MIAT: variants seen among roughly 807,000 people sequenced by gnomAD.
The protein encoded by MIAT is MI related novel mRNA.
At chr22:26,675,356 G>C (rs1931222786) in exon 5 of MIAT, 1 of 398,574 alleles carries the variant, frequency 2.5e-6, no homozygotes, top group South Asian at 1.3e-4. Context: ...TGGTTGCCAA[G>C]AAGTTTAGAT....
chr22:26,654,992 G>A (rs1001632081), intron 2 of MIAT, among the ~76,000 whole-genome samples: 9 of 152,170 alleles, frequency 5.9e-5, no homozygotes, highest in Admixed American at 1.3e-4. Context: ...GATTACAGGC[G>A]TGAGCTGCTG....
chr22:26,672,825 A>G (rs896542750), downstream of MIAT: 21 of 398,518 alleles, frequency 5.3e-5, no homozygotes, highest in Non-Finnish European at 8.8e-5. Context: ...TGGAGTATTT[A>G]GTACACAGGA....
At chr22:26,675,711 G>A (rs1036823080) in exon 5 of MIAT, 11 of 398,518 alleles carry the variant, frequency 2.8e-5, no homozygotes, top group Non-Finnish European at 4.9e-5. Context: ...AGAAGATCAG[G>A]GGAAACACAG....
chr22:26,658,899 T>G lies in MIAT; in HGVS notation n.647-4417T>G, dbSNP rs138251526. On this transcript the variant is annotated intron_variant and non_coding_transcript_variant, in intron 2 of 5. Transcript: ENST00000643270. ...AGCAAAACACTTGCTCTGGACTCAG[T>G]GCTTTGCAAAGCGCATTCCCATTTG... Among the ~76,000 whole-genome samples the G allele has an allele frequency of 1.3e-4, 20 of 152,332 alleles. No individual in the cohort carries two copies. The East Asian group carries it at 3.9e-3, about 29-fold the overall frequency.
At chr22:26,659,452 G>A (rs9613239) in intron 2 of MIAT, among the ~76,000 whole-genome samples, 25,938 of 152,096 alleles carry the variant, frequency 0.17, 2,829 homozygotes, top group Non-Finnish European at 0.23. Context: ...TCCTTAACAG[G>A]GAAGAGTGGT....
intron 2 of MIAT, chr22:26,657,321 C>T (rs1930495410): frequency 2.5e-6 from 1 of 395,496 alleles, no homozygotes; most frequent in Non-Finnish European, 4.5e-6. Flanking sequence ...AGACCGGTTG[C>T]ACCCCGCTTT....
intron 2 of MIAT, among the ~76,000 whole-genome samples, chr22:26,651,877 T>G (rs1930342338): frequency 6.6e-6 from 1 of 152,146 alleles, no homozygotes; most frequent in South Asian, 2.1e-4. Context: ...GTGATGAAAA[T>G]GTCTTGGAAC....
At chr22:26,655,970 G>A (rs1315710724) in intron 2 of MIAT, 3 of 152,094 alleles carry the variant, frequency 2.0e-5, no homozygotes, top group African/African-American at 4.8e-5. Flanking sequence ...AGGCAGGCGT[G>A]AGCCACCACA....
At chr22:26,676,134 T>C in exon 5 of MIAT, 1 of 395,492 alleles carries the variant, frequency 2.5e-6, no homozygotes, top group East Asian at 3.6e-5. Flanking sequence ...TAGGTTGTGC[T>C]GTGGACCCAA....
At chr22:26,646,824 G>C (rs996803181) in exon 1 of MIAT, 5 of 398,524 alleles carry the variant, frequency 1.3e-5, no homozygotes, top group African/African-American at 1.0e-4. Context: ...AATGAGGGTG[G>C]TGTGGGAGTC....
chr22:26,658,726 G>C (rs888845239), intron 2 of MIAT, among the ~76,000 whole-genome samples: 2 of 152,200 alleles, frequency 1.3e-5, no homozygotes, highest in South Asian at 4.1e-4. Context: ...TTGTTGGCGC[G>C]CACACCCCAC....
At chr22:26,663,369 G>A (rs1930736625) in exon 3 of MIAT, 3 of 398,516 alleles carry the variant, frequency 7.5e-6, no homozygotes, top group Non-Finnish European at 8.8e-6. Flanking sequence ...TGGCCACCAT[G>A]ACCCCGTCGG....
downstream of MIAT, chr22:26,671,832 A>C (rs937837002): frequency 3.1e-6 from 1 of 327,656 alleles, no homozygotes; most frequent in Non-Finnish European, 5.5e-6. Context: ...CAGACACCTA[A>C]AAAAAAAAAA....
At chr22:26,669,759 A>C, downstream of MIAT, 1 of 398,994 alleles carries the variant, frequency 2.5e-6, no homozygotes, top group Non-Finnish European at 4.4e-6. Flanking sequence ...GGAGAGTGGC[A>C]GGTACCATGC....
intron 2 of MIAT, among the ~76,000 whole-genome samples, chr22:26,656,544 T>C (rs5752375): frequency 0.85 from 128,591 of 151,572 alleles, 54,660 homozygotes; most frequent in South Asian, 0.92. Flanking sequence ...TCTTGAACTC[T>C]TGACCTCAGG....
At chr22:26,649,825 A>C (rs1930306573) in intron 2 of MIAT, among the ~76,000 whole-genome samples, 1 of 152,214 alleles carries the variant, frequency 6.6e-6, no homozygotes. Context: ...AGGCAGCAGA[A>C]TTGCTTGAAC....
chr22:26,673,804 G>A (rs1047401898), downstream of MIAT: 2 of 398,668 alleles, frequency 5.0e-6, no homozygotes, highest in Non-Finnish European at 8.8e-6. Flanking sequence ...GGAGGTGCCA[G>A]GGCTCTGGTG....
At chr22:26,653,799 G>C (rs909316651) in intron 2 of MIAT, among the ~76,000 whole-genome samples, 1 of 152,120 alleles carries the variant, frequency 6.6e-6, no homozygotes, top group African/African-American at 2.4e-5. Context: ...GAGTGTAGTG[G>C]TGCGATCTCA....
intron 5 of MIAT, chr22:26,667,578 G>T: frequency 3.2e-6 from 1 of 315,426 alleles, no homozygotes; most frequent in Non-Finnish European, 5.8e-6. Flanking sequence ...TGCTCCTGGA[G>T]CTTGCTATGG....
Sources: gnomAD v4.1 joint callset for allele counts (sites outside exome capture counted in the v4.1 genomes callset) on GRCh38, gnomAD v4.1.1 for gene constraint, MANE v1.5 for transcripts, NCBI Gene and HGNC (gene_info 2026-07-23, HGNC 2026-07-21) for gene names.